Variants in B4GALNT3 observed in about 807,000 individuals in gnomAD.
B4GALNT3 encodes beta-1,4-N-acetyl-galactosaminyltransferase 3.
In B4GALNT3, 86 loss-of-function variants were observed where a neutral mutation model predicts 120.2. The ratio of observed to expected loss-of-function variants is 0.72; its 90% CI spans 0.60 to 0.86. The LOEUF (loss-of-function observed/expected upper bound fraction) is 0.86. Among genes scored for constraint, B4GALNT3 ranks in the 40% least tolerant of loss-of-function variants. The pLI is 0.00. For synonymous variants in B4GALNT3, 518 were observed against 510.4 expected, an observed-to-expected ratio of 1.01 and a Z score of -0.20; for missense variants, 1,167 against 1,298.9, an observed-to-expected ratio of 0.90 and a Z score of 1.56.
chr12:526,862 C>T (rs918998566), intron 1 of B4GALNT3, among the ~76,000 whole-genome samples: 2 of 152,108 alleles, frequency 1.3e-5, no homozygotes, highest in South Asian at 2.1e-4. Flanking sequence ...ATAGAAAGGG[C>T]GTCTGCCCCC....
intron 1 of B4GALNT3, 56 bp from the exon 2 acceptor site, chr12:535,110 T>C (rs1347779014): frequency 2.4e-5 from 34 of 1,431,390 alleles, no homozygotes; most frequent in Non-Finnish European, 6.8e-6. Context: ...ATCTTTTAGG[T>C]GTATGAGGTT....
rs374467489 is a variant in B4GALNT3, at chr12:558,883, G to A, written c.2761+222G>A. Among the ~76,000 whole-genome samples, 37 of 151,658 alleles carry A rather than the reference G, an allele frequency of 2.4e-4. No individual in the cohort carries two copies. The East Asian group carries it at 5.9e-3, about 24-fold the overall frequency. Reference sequence around the variant, plus strand: ...TGCAGCAGTGCACACCTCCTGCGCCGTCTTCTCCTTGATTCATTCATCACA... The same window carrying A: ...TGCAGCAGTGCACACCTCCTGCGCCATCTTCTCCTTGATTCATTCATCACA... On this transcript the variant is annotated intron_variant, in intron 18 of 19. Transcript: ENST00000266383.
At chr12:554,188 G>A (rs936782916) in intron 14 of B4GALNT3, among the ~76,000 whole-genome samples, 29 of 152,202 alleles carry the variant, frequency 1.9e-4, no homozygotes, top group African/African-American at 6.0e-4. Flanking sequence ...TGTTTGTCCC[G>A]CCATTAGGCA....
Position 553,394 on chromosome 12 carries a change from T to G in B4GALNT3, c.1471T>G (p.Ser491Ala), listed in dbSNP as rs149506391. The change falls in exon 14 of 20, where the codon TCC becomes GCC. Residue 491 changes from serine (S) to alanine (A), a missense_variant. This residue lies in a region of B4GALNT3 where 983 missense variants were observed against 1,102.5 expected (regional missense o/e 0.89). Coordinates refer to ENST00000266383, the MANE Select transcript of B4GALNT3 (RefSeq NM_173593.4). ...QPREGLLAPFSKRNSTASFPG... is the reference protein window; with the variant it reads ...QPREGLLAPFAKRNSTASFPG... ...CCGGGAGGGCCTGCTGGCCCCCTTC[T>G]CCAAGCGGAACTCCACAGCGTCCTT... The G allele has an allele frequency of 1.9e-6, 3 of 1,613,726 alleles. No individual in the cohort carries two copies. Among genetic ancestry groups the G allele is most frequent in the East Asian group, 4.5e-5 (2 of 44,894 alleles).
intron 1 of B4GALNT3, among the ~76,000 whole-genome samples, chr12:523,754 C>T (rs1565602114): frequency 6.6e-6 from 1 of 152,188 alleles, no homozygotes; most frequent in Non-Finnish European, 1.5e-5. Context: ...GAATGTGAAT[C>T]AACTCCGATA....
chr12:539,937 C>T (rs750276591), intron 3 of B4GALNT3, among the ~76,000 whole-genome samples: 1 of 151,776 alleles, frequency 6.6e-6, no homozygotes, highest in East Asian at 1.9e-4. Context: ...TAAAATAGAT[C>T]GAGTACCTCG....
At position 460,319 on chromosome 12, in the gene B4GALNT3, G is replaced by GGGC; in HGVS notation, c.-51_-49dup. Reference sequence around the variant, plus strand: ...GCCCTGGGCGCGGGGCCCGGCCGGGGGGCGGCGGCTCGGGGGGTTGGAGCC... The same window carrying GGGC: ...GCCCTGGGCGCGGGGCCCGGCCGGGGGGCGGCGGCGGCTCGGGGGGTTGGAGCC... On this transcript the variant is annotated 5_prime_UTR_variant, in exon 1 of 20. Transcript: ENST00000266383. The surrounding 1 kb of genome is among the most constrained non-coding windows in gnomAD (Gnocchi z 8.0). The GGGC allele has an allele frequency of 3.1e-6, 3 of 980,954 alleles. No individual in the cohort carries two copies. Among genetic ancestry groups the GGGC allele is most frequent in the African/African-American group, 1.8e-5 (1 of 56,810 alleles). 60.8% of individuals were successfully genotyped at this position (980,954 alleles called of 1,614,324 possible). A position where few individuals can be genotyped will look rare whatever the true frequency, so the allele number is the denominator to read the frequency against.
At chr12:504,725 C>G (rs903824739) in intron 1 of B4GALNT3, among the ~76,000 whole-genome samples, 12 of 152,084 alleles carry the variant, frequency 7.9e-5, no homozygotes, top group Middle Eastern at 6.8e-3. Flanking sequence ...AACAAACAAA[C>G]AAAAAAACCC....
intron 7 of B4GALNT3, among the ~76,000 whole-genome samples, chr12:547,620 A>T (rs1327627368): frequency 6.6e-6 from 1 of 152,112 alleles, no homozygotes; most frequent in Non-Finnish European, 1.5e-5. Context: ...CGGCCGGCGG[A>T]ATCCCACCTC....
chr12:556,724 G>T lies in B4GALNT3; in HGVS notation c.2238G>T (p.Glu746Asp), dbSNP rs780722946. 1 of 1,613,888 alleles carries T rather than the reference G, an allele frequency of 6.2e-7. No individual in the cohort carries two copies. The highest frequency in any genetic ancestry group is 1.1e-5 in the South Asian group (1 of 91,086). The stretch of plus-strand genomic sequence containing the variant: ...ATCCAGCTGGTGGGGAGGAGGTCGA[G>T]GCCCGGAACCTGCAAGGCCTGGTCT... ...GIDPAGGEEV[E>D]ARNLQGLVWD... Residue 746 changes from glutamate (E) to aspartate (D), a missense_variant, in exon 15 of 20, where the codon GAG becomes GAT. Coordinates refer to ENST00000266383, the MANE Select transcript of B4GALNT3 (RefSeq NM_173593.4).
intron 1 of B4GALNT3, among the ~76,000 whole-genome samples, chr12:519,813 C>G (rs1051613416): frequency 6.6e-6 from 1 of 152,194 alleles, no homozygotes; most frequent in Non-Finnish European, 1.5e-5. Context: ...GCAGTCTCAT[C>G]AGCAAAAGGT....
chr12:492,055 C>CAAA (rs55702729), intron 1 of B4GALNT3, among the ~76,000 whole-genome samples: 2 of 131,976 alleles, frequency 1.5e-5, no homozygotes, highest in Non-Finnish European at 1.6e-5. Flanking sequence ...GAGACCGTCT[C>CAAA]AAAAAAAAAA....
intron 1 of B4GALNT3, among the ~76,000 whole-genome samples, chr12:491,705 T>G (rs2120507645): frequency 6.6e-6 from 1 of 152,120 alleles, no homozygotes; most frequent in Middle Eastern, 3.4e-3. Flanking sequence ...ATCTACAACC[T>G]ACAACTAACA....
intron 1 of B4GALNT3, among the ~76,000 whole-genome samples, chr12:473,527 G>A (rs1024456123): frequency 2.2e-4 from 33 of 152,168 alleles, no homozygotes; most frequent in African/African-American, 8.0e-4. Context: ...TGGGTCTCTG[G>A]CTGTACTCTG....
At chr12:495,844 G>A (rs1336558241) in intron 1 of B4GALNT3, among the ~76,000 whole-genome samples, 1 of 152,172 alleles carries the variant, frequency 6.6e-6, no homozygotes, top group Non-Finnish European at 1.5e-5. Flanking sequence ...TGTGAGGAGT[G>A]CAGCAGGTGC....
intron 1 of B4GALNT3, among the ~76,000 whole-genome samples, chr12:475,646 ATC>A (rs757212142): frequency 1.4e-4 from 22 of 151,952 alleles, no homozygotes; most frequent in Non-Finnish European, 2.2e-4. Flanking sequence ...CTTCTCTCTC[ATC>A]TCTTCCCTGA....
intron 6 of B4GALNT3, among the ~76,000 whole-genome samples, chr12:545,943 T>A (rs1592052314): frequency 4.0e-5 from 1 of 24,764 alleles, no homozygotes; most frequent in Non-Finnish European, 8.2e-5. Flanking sequence ...GTGAGAGGAG[T>A]GGGGAGGTGC....
At chr12:544,256 G>A in intron 3 of B4GALNT3, 83 bp from the exon 4 acceptor site, 3 of 1,333,822 alleles carry the variant, frequency 2.2e-6, no homozygotes, top group South Asian at 2.4e-5. Flanking sequence ...GCGGGCATGG[G>A]ATGCTCATCC....
intron 1 of B4GALNT3, among the ~76,000 whole-genome samples, chr12:512,846 C>T (rs1221335669): frequency 3.4e-5 from 5 of 148,778 alleles, no homozygotes; most frequent in Non-Finnish European, 5.9e-5. Flanking sequence ...TTCCACCTTC[C>T]GCCTTCCACC....
Sources: allele counts gnomAD v4.1 joint callset (sites outside exome capture counted in the v4.1 genomes callset), GRCh38; gene constraint gnomAD v4.1.1; regional missense constraint gnomAD v4.1.1; non-coding constraint Gnocchi (gnomAD v3.1); transcripts MANE v1.5; gene names NCBI Gene and HGNC (gene_info 2026-07-23, HGNC 2026-07-21).